Variants in GALNT18 observed in about 807,000 individuals in gnomAD.
GALNT18 encodes the protein GalNAc-transferase 18.
A neutral mutation model predicts 69.5 loss-of-function variants in GALNT18; 44 were observed. The observed-to-expected ratio is 0.63, with a 90% confidence interval of 0.50 to 0.81. The LOEUF (loss-of-function observed/expected upper bound fraction) is 0.81, where lower values mean the gene tolerates loss of function less well. Ranked by LOEUF, GALNT18 falls within the 40% of genes least tolerant of loss-of-function variation. GALNT18 has a pLI of 0.00. For missense variants in GALNT18, 715 were observed against 810.0 expected (o/e 0.88, Z 1.42); for synonymous variants, 364 against 318.2 (o/e 1.14, Z -1.53).
Position 11,339,551 on chromosome 11 carries a change from G to T in GALNT18, c.1278+1268C>A, listed in dbSNP as rs1850166950. On this transcript the variant is annotated intron_variant, in intron 7 of 10. Coordinates refer to ENST00000227756, the MANE Select transcript of GALNT18 (RefSeq NM_198516.3). The surrounding 1 kb of genome is among the most constrained non-coding windows in gnomAD (Gnocchi z 5.2). The stretch of plus-strand genomic sequence containing the variant: ...GCCATCACAGGACACCTACCACAGG[G>T]CTTGGCACCCCGTGCAGAATACCGT... 6.6e-6 allele frequency among the ~76,000 whole-genome samples: 1 copy of T among 152,158 alleles called. No homozygotes were observed. The highest frequency in any genetic ancestry group is 1.5e-5 in the Non-Finnish European group (1 of 68,036).
At chr11:11,326,717 T>A (rs1007598617) in intron 9 of GALNT18, among the ~76,000 whole-genome samples, 8 of 152,166 alleles carry the variant, frequency 5.3e-5, no homozygotes, top group African/African-American at 1.9e-4. Context: ...TTCAGGGAGC[T>A]TGGGAGAACC....
Position 11,591,510 on chromosome 11 carries a change from G to T in GALNT18, c.235+29849C>A, listed in dbSNP as rs777451810. 2.6e-5 allele frequency among the ~76,000 whole-genome samples: 4 copies of T among 152,078 alleles called. No individual in the cohort carries two copies. Among genetic ancestry groups the T allele is most frequent in the Non-Finnish European group, 4.4e-5 (3 of 68,030 alleles). Reference sequence around the variant, plus strand: ...CCAATCACATCCTTCCAATTTTATAGGCAAGTGGGGAGGGAGACCATAACA... The same window carrying T: ...CCAATCACATCCTTCCAATTTTATATGCAAGTGGGGAGGGAGACCATAACA... On this transcript the variant is annotated intron_variant, in intron 1 of 10. Transcript: ENST00000227756. The surrounding 1 kb of genome is among the most constrained non-coding windows in gnomAD (Gnocchi z 4.8).
Position 11,395,048 on chromosome 11 carries a change from G to A in GALNT18, c.596-15784C>T, listed in dbSNP as rs548324444. ...AAGGCAAAGTTGATCTCCAGGTTCAGAACTGGGGTTATCATCTTTCCTGAA... is the reference window on the plus strand; with the variant it reads ...AAGGCAAAGTTGATCTCCAGGTTCAAAACTGGGGTTATCATCTTTCCTGAA... On this transcript the variant is annotated intron_variant, in intron 3 of 10. Coordinates refer to ENST00000227756, the MANE Select transcript of GALNT18 (RefSeq NM_198516.3). 5.8e-4 allele frequency among the ~76,000 whole-genome samples: 88 copies of A among 152,370 alleles called. 3 individuals carry two copies. In the South Asian group the frequency reaches 0.018, roughly 31 times the overall value.
chr11:11,603,600 T>C lies in GALNT18; in HGVS notation c.235+17759A>G, dbSNP rs890168483. Among the ~76,000 whole-genome samples the C allele has an allele frequency of 1.3e-5, 2 of 152,252 alleles. No homozygotes were observed. The highest frequency in any genetic ancestry group is 2.1e-4 in the South Asian group (1 of 4,826). On this transcript the variant is annotated intron_variant, in intron 1 of 10. Coordinates refer to ENST00000227756, the MANE Select transcript of GALNT18 (RefSeq NM_198516.3). This position sits in a 1 kb window ranked among gnomAD's most constrained non-coding sequence, Gnocchi z 4.5. ...TTGTGTCCAAACTGAATATTCATAA[T>C]CTTCATGTTGCCACAAAGGCTATAT...
chr11:11,337,042 C>A lies in GALNT18; in HGVS notation c.1278+3777G>T, dbSNP rs2133053230. Among the ~76,000 whole-genome samples, 1 of 152,236 alleles carries A rather than the reference C, an allele frequency of 6.6e-6. No homozygotes were observed. The highest frequency in any genetic ancestry group is 2.1e-4 in the South Asian group (1 of 4,824). ...GGTTTGAAAAAATGAGAAGGACTAG[C>A]TAAATGGGTGTTACACAAACCTGGC... is the stretch of plus-strand genomic sequence containing the variant. On this transcript the variant is annotated intron_variant, in intron 7 of 10. Transcript: ENST00000227756. The surrounding 1 kb of genome is among the most constrained non-coding windows in gnomAD (Gnocchi z 4.9).
At chr11:11,615,313 T>G (rs373415431) in intron 1 of GALNT18, among the ~76,000 whole-genome samples, 1 of 152,222 alleles carries the variant, frequency 6.6e-6, no homozygotes, top group East Asian at 1.9e-4. Context: ...TTTGTAGTCA[T>G]GGCGAACAAC....
In GALNT18 at chr11:11,318,276, GT is replaced by G. The variant is rs781074358; in HGVS notation, c.1512+8809del. Among the ~76,000 whole-genome samples the G allele has an allele frequency of 4.6e-5, 7 of 152,184 alleles. No individual in the cohort carries two copies. Among genetic ancestry groups the G allele is most frequent in the Non-Finnish European group, 1.0e-4 (7 of 68,042 alleles). The stretch of plus-strand genomic sequence containing the variant: ...GTCCTAACCCCCAGTACCTCATAAT[GT>G]AATCTTATTTGGAAATAGAGTCATT... On this transcript the variant is annotated intron_variant, in intron 9 of 10. Transcript: ENST00000227756. This position sits in a 1 kb window ranked among gnomAD's most constrained non-coding sequence, Gnocchi z 5.1.
At chr11:11,283,957 T>A (rs781441467) in intron 10 of GALNT18, among the ~76,000 whole-genome samples, 8 of 151,770 alleles carry the variant, frequency 5.3e-5, no homozygotes, top group Admixed American at 3.9e-4. Flanking sequence ...TAATTCCTCC[T>A]CCTTCTGGGC....
At chr11:11,364,317 T>A (rs898632398) in intron 6 of GALNT18, among the ~76,000 whole-genome samples, 1 of 152,168 alleles carries the variant, frequency 6.6e-6, no homozygotes, top group South Asian at 2.1e-4. Flanking sequence ...GCATCACAAA[T>A]GGGAACACAA....
Position 11,356,721 on chromosome 11 carries a change from C to A in GALNT18, c.1093-15717G>T, listed in dbSNP as rs1231927402. On this transcript the variant is annotated intron_variant, in intron 6 of 10. Coordinates refer to ENST00000227756, the MANE Select transcript of GALNT18 (RefSeq NM_198516.3). This position sits in a 1 kb window ranked among gnomAD's most constrained non-coding sequence, Gnocchi z 4.4. ...TGTTATTAATCTCTCTTTTATACAG[C>A]TCCCTCATTGAATGCAATTGAAAAA... 6.6e-6 allele frequency among the ~76,000 whole-genome samples: 1 copy of A among 152,166 alleles called. No homozygotes were observed. The highest frequency in any genetic ancestry group is 1.5e-5 in the Non-Finnish European group (1 of 68,040).
rs1017574744 is a variant in GALNT18 at position 11,555,961 on chromosome 11, A to T, written c.235+65398T>A. Reference sequence around the variant, plus strand: ...GGTTTGCTTTCCCTTATTTCCTCTGAGTCCTCTAACCGAGATCAGACTTAA... The same window carrying T: ...GGTTTGCTTTCCCTTATTTCCTCTGTGTCCTCTAACCGAGATCAGACTTAA... On this transcript the variant is annotated intron_variant, in intron 1 of 10. Coordinates refer to ENST00000227756, the MANE Select transcript of GALNT18 (RefSeq NM_198516.3). The surrounding 1 kb of genome is among the most constrained non-coding windows in gnomAD (Gnocchi z 4.7). Among the ~76,000 whole-genome samples, 5 of 152,246 alleles carry T rather than the reference A, an allele frequency of 3.3e-5. No homozygotes were observed. The highest frequency in any genetic ancestry group is 7.3e-5 in the Non-Finnish European group (5 of 68,038).
At position 11,540,338 on chromosome 11, in the gene GALNT18, C is replaced by T. The variant is rs1857885521; in HGVS notation, c.235+81021G>A. Among the ~76,000 whole-genome samples the T allele has an allele frequency of 6.6e-6, 1 of 152,128 alleles. No individual in the cohort carries two copies. The highest frequency in any genetic ancestry group is 2.4e-5 in the African/African-American group (1 of 41,402). ...GTCGTTGCCATGGAAACTTGTGACTCCTACATCCCTGATGCTAGGACAAGA... is the reference window on the plus strand; with the variant it reads ...GTCGTTGCCATGGAAACTTGTGACTTCTACATCCCTGATGCTAGGACAAGA... On this transcript the variant is annotated intron_variant, in intron 1 of 10. Coordinates refer to ENST00000227756, the MANE Select transcript of GALNT18 (RefSeq NM_198516.3). The surrounding 1 kb of genome is among the most constrained non-coding windows in gnomAD (Gnocchi z 4.6).
intron 1 of GALNT18, among the ~76,000 whole-genome samples, chr11:11,578,854 C>T (rs1195271079): frequency 6.6e-6 from 1 of 152,204 alleles, no homozygotes; most frequent in African/African-American, 2.4e-5. Context: ...TCCTAAAAAC[C>T]ACCTTCTGAT....
At chr11:11,352,543 C>A (rs765275338) in intron 6 of GALNT18, 3 of 1,614,134 alleles carry the variant, frequency 1.9e-6, no homozygotes, top group Non-Finnish European at 2.5e-6. Context: ...TATCGGGAAG[C>A]AACTCGGACA....
At chr11:11,597,768 C>G (rs142704770) in intron 1 of GALNT18, among the ~76,000 whole-genome samples, 1,879 of 151,502 alleles carry the variant, frequency 0.012, 48 homozygotes, top group African/African-American at 0.044. Flanking sequence ...TCATAGCATT[C>G]TCCTGCCTCA....
At chr11:11,526,017 T>A (rs1857515849) in intron 1 of GALNT18, among the ~76,000 whole-genome samples, 1 of 152,154 alleles carries the variant, frequency 6.6e-6, no homozygotes, top group Non-Finnish European at 1.5e-5. Context: ...GAAACTTCCA[T>A]CTGCCTGGAG....
intron 1 of GALNT18, among the ~76,000 whole-genome samples, chr11:11,572,525 C>G (rs949100488): frequency 4.6e-5 from 7 of 152,164 alleles, no homozygotes; most frequent in Non-Finnish European, 8.8e-5. Context: ...GGGCATGAGT[C>G]AGGGCCCTGG....
chr11:11,458,195 C>T (rs1359795708), intron 1 of GALNT18, among the ~76,000 whole-genome samples: 1 of 152,238 alleles, frequency 6.6e-6, no homozygotes, highest in East Asian at 1.9e-4. Context: ...TGGAAACCGA[C>T]TGTCAGAGGT....
chr11:11,332,460 G>A lies in GALNT18; in HGVS notation c.1416+234C>T, dbSNP rs865996511. On this transcript the variant is annotated intron_variant, in intron 8 of 10. Coordinates refer to ENST00000227756, the MANE Select transcript of GALNT18 (RefSeq NM_198516.3). The surrounding 1 kb of genome is among the most constrained non-coding windows in gnomAD (Gnocchi z 4.3). ...CGGAATATGCAGGTGTGGGGCCAGA[G>A]CTGAATTGCTTAGGACTATAAAGGA... is the stretch of plus-strand genomic sequence containing the variant. 6.6e-6 allele frequency among the ~76,000 whole-genome samples: 1 copy of A among 152,180 alleles called. No individual in the cohort carries two copies. Among genetic ancestry groups the A allele is most frequent in the South Asian group, 2.1e-4 (1 of 4,818 alleles).
Sources: gnomAD v4.1 joint callset for allele counts (sites outside exome capture counted in the v4.1 genomes callset) on GRCh38, gnomAD v4.1.1 for gene constraint, Gnocchi (gnomAD v3.1) non-coding constraint, MANE v1.5 for transcripts, NCBI Gene and HGNC (gene_info 2026-07-23, HGNC 2026-07-21) for gene names.